The following INO80E variants were observed in gnomAD, a reference collection of about 807,000 sequenced individuals.
The protein encoded by INO80E is coiled-coil domain containing 95.
In INO80E, 20 loss-of-function variants were observed where a neutral mutation model predicts 27.3. The observed-to-expected ratio is 0.73, with a 90% confidence interval of 0.51 to 1.06. The LOEUF (loss-of-function observed/expected upper bound fraction) is 1.06, where lower values mean the gene tolerates loss of function less well. Ranked by LOEUF, INO80E falls within the 50% of genes least tolerant of loss-of-function variation. The probability of loss-of-function intolerance (pLI) is 0.00; values close to 1 mark genes in which losing one functional copy is unlikely to be tolerated. For missense variants in INO80E, 357 were observed against 322.8 expected (o/e 1.11, Z -0.81); for synonymous variants, 167 against 145.9 (o/e 1.14, Z -1.04).
rs145500623 is a variant in INO80E, at chr16:30,000,827, C to G, written c.275C>G (p.Ala92Gly). ...ACACCCAAGTTGTCTGACACACCGG[C>G]CCCTAAGAGGTGAGAAGAAGATGCA... ...EGTPKLSDTP[A>G]PKRKRSPPLG... is the part of the protein sequence containing the mutation. The change falls in exon 4 of 7, where the codon GCC (alanine) becomes GGC (glycine). Residue 92 changes from alanine (A) to glycine (G), a missense_variant. Transcript: ENST00000563197. 5 of 1,614,108 alleles carry G rather than the reference C, an allele frequency of 3.1e-6. No individual in the cohort carries two copies. The highest frequency in any genetic ancestry group is 4.2e-6 in the Non-Finnish European group (5 of 1,179,952).
rs552737572 is a variant in INO80E, at chr16:29,998,302, A to C, written c.205+1442A>C. Among the ~76,000 whole-genome samples the C allele has an allele frequency of 1.2e-3, 181 of 151,822 alleles. 1 individual carries two copies. Among genetic ancestry groups the C allele is most frequent in the Non-Finnish European group, 2.0e-3 (135 of 67,954 alleles). ...CCAGACTCCATCTCAAAAAAAAAAA[A>C]AAAACAAAAACCAATCTTGTGAAGA... On this transcript the variant is annotated intron_variant, in intron 3 of 6. Transcript: ENST00000563197.
chr16:29,996,635 G>C lies in INO80E; in HGVS notation c.152+18G>C. 6.3e-7 allele frequency: 1 copy of C among 1,581,512 alleles called. No individual in the cohort carries two copies. Among genetic ancestry groups the C allele is most frequent in the African/African-American group, 1.3e-5 (1 of 74,460 alleles). ...GACAAGAGGTGAGGCACGTTGCAGG[G>C]GCGGAGGGCGATGTGCTTCCTAGGA... On this transcript the variant is annotated intron_variant, in intron 2 of 6. Transcript: ENST00000563197.
At chr16:30,000,007 G>A (rs2070288031) in intron 3 of INO80E, among the ~76,000 whole-genome samples, 1 of 152,180 alleles carries the variant, frequency 6.6e-6, no homozygotes, top group Non-Finnish European at 1.5e-5. Context: ...AGAGGCAGGA[G>A]TTGAAGACTG....
chr16:30,005,578 C>T lies in INO80E; in HGVS notation c.*136C>T, dbSNP rs560196995. On this transcript the variant is annotated 3_prime_UTR_variant, in exon 7 of 7. Transcript: ENST00000563197. ...CGGCCACTGACACAACCAGAAAAGGCGTAAACATGCACGGGTGTCCCCCAG... is the reference window on the plus strand; with the variant it reads ...CGGCCACTGACACAACCAGAAAAGGTGTAAACATGCACGGGTGTCCCCCAG... 24 of 851,286 alleles carry T rather than the reference C, an allele frequency of 2.8e-5. No homozygotes were observed. Among genetic ancestry groups the T allele is most frequent in the Middle Eastern group, 3.4e-4 (1 of 2,954 alleles). The allele number at this position is 851,286 out of a possible 1,614,324, so 52.7% of individuals were successfully genotyped here.
chr16:30,004,701 C>T (rs12928610), intron 6 of INO80E: 77,586 of 154,992 alleles, frequency 0.5, 19,606 homozygotes, highest in South Asian at 0.52. Context: ...GCTGCCGGGA[C>T]CCCGAGGAGG....
At chr16:29,997,446 AC>A (rs1174260046) in intron 3 of INO80E, among the ~76,000 whole-genome samples, 2 of 151,166 alleles carry the variant, frequency 1.3e-5, no homozygotes, top group African/African-American at 4.9e-5. Context: ...TTTTTTTCCA[AC>A]CGTTTAAAAG....
intron 4 of INO80E, 39 bp from the exon 5 acceptor site, chr16:30,000,890 C>T (rs774143487): frequency 1.2e-6 from 2 of 1,611,020 alleles, no homozygotes; most frequent in South Asian, 2.2e-5. Context: ...GGCGCCTGGG[C>T]TCCTAGCCAC....
chr16:29,999,731 C>T (rs1327647426), intron 3 of INO80E, among the ~76,000 whole-genome samples: 1 of 152,102 alleles, frequency 6.6e-6, no homozygotes, highest in Non-Finnish European at 1.5e-5. Flanking sequence ...GTTAGTTGAC[C>T]AGAAAGGTAC....
At chr16:29,996,644 C>T in intron 2 of INO80E, 27 bp downstream of exon 2, 1 of 1,579,714 alleles carries the variant, frequency 6.3e-7, no homozygotes, top group Non-Finnish European at 8.6e-7. Flanking sequence ...GGGCGGAGGG[C>T]GATGTGCTTC....
chr16:29,998,903 G>A (rs1380660866), intron 3 of INO80E, among the ~76,000 whole-genome samples: 1 of 152,128 alleles, frequency 6.6e-6, no homozygotes, highest in Non-Finnish European at 1.5e-5. Context: ...AAATTAGCTG[G>A]GTGTGGTGGC....
chr16:29,996,759 C>T (rs1596660365), intron 2 of INO80E, 49 bp from the exon 3 acceptor site: 3 of 1,606,070 alleles, frequency 1.9e-6, no homozygotes, highest in Non-Finnish European at 2.6e-6. Context: ...CCCAGGAGGA[C>T]ATTGCTGCGC....
rs762793548 is a variant in INO80E at position 30,001,543 on chromosome 16, G to C, written c.513+13G>C. ...CCGGAAACTCAAGGTACCCTGACGTGGGGGTGCTAGGGAGGGGCAGGACGG... is the reference window on the plus strand; with the variant it reads ...CCGGAAACTCAAGGTACCCTGACGTCGGGGTGCTAGGGAGGGGCAGGACGG... On this transcript the variant is annotated intron_variant, in intron 6 of 6. Transcript: ENST00000563197. 2 of 1,608,018 alleles carry C rather than the reference G, an allele frequency of 1.2e-6. No homozygotes were observed. The highest frequency in any genetic ancestry group is 1.7e-6 in the Non-Finnish European group (2 of 1,177,050).
intron 2 of INO80E, 93 bp downstream of exon 2, chr16:29,996,710 C>G: frequency 3.8e-6 from 6 of 1,590,256 alleles, no homozygotes; most frequent in Non-Finnish European, 5.2e-6. Context: ...TGCATGGGCT[C>G]TTTCAAGTAT....
intron 3 of INO80E, among the ~76,000 whole-genome samples, chr16:29,998,585 C>T (rs182959233): frequency 6.6e-4 from 101 of 152,260 alleles, no homozygotes; most frequent in Non-Finnish European, 7.5e-4. Flanking sequence ...GCTTTTTTCC[C>T]CTTCTTTTAA....
Position 30,005,653 on chromosome 16 carries a change from GTTA to G in INO80E, c.*214_*216del. On this transcript the variant is annotated 3_prime_UTR_variant, in exon 7 of 7. Transcript: ENST00000563197. ...AAACCCCGGCCCCCTCCAGGGGACA[GTTA>G]TTTAAACGAGTGGCCGGGAGCATCT... The G allele has an allele frequency of 1.7e-6, 1 of 584,606 alleles. No homozygotes were observed. The highest frequency in any genetic ancestry group is 3.1e-5 in the East Asian group (1 of 32,148). 36.2% of individuals were successfully genotyped at this position (584,606 alleles called of 1,614,324 possible).
chr16:29,998,975 G>A (rs1163768032), intron 3 of INO80E, among the ~76,000 whole-genome samples: 1 of 151,940 alleles, frequency 6.6e-6, no homozygotes, highest in Non-Finnish European at 1.5e-5. Flanking sequence ...AACCCGGGAG[G>A]CGGAGCTTGC....
intron 6 of INO80E, chr16:30,004,610 G>A (rs2070479049): frequency 1.3e-5 from 2 of 155,110 alleles, no homozygotes; most frequent in African/African-American, 2.4e-5. Flanking sequence ...GGATCTGGGA[G>A]AGGCTGCGGG....
Position 29,996,384 on chromosome 16 carries a change from T to C in INO80E, c.74T>C (p.Leu25Pro). The C allele has an allele frequency of 1.3e-6, 2 of 1,590,672 alleles. No homozygotes were observed. Among genetic ancestry groups the C allele is most frequent in the Non-Finnish European group, 1.7e-6 (2 of 1,168,272 alleles). The change falls in exon 1 of 7, where the codon CTC becomes CCC. Residue 25 changes from leucine (L) to proline (P), a missense_variant. Coordinates refer to ENST00000563197, the MANE Select transcript of INO80E (RefSeq NM_173618.3). ...YRNLKRKLKF[L>P]IYEHECFQEE... ...AATCTGAAGCGGAAGCTCAAGTTCC[T>C]CATCTACGTGAGTGCTGCCGCGGGA...
At position 29,998,290 on chromosome 16, in the gene INO80E, C is replaced by CA. The variant is rs796207569; in HGVS notation, c.205+1446dup. Among the ~76,000 whole-genome samples the CA allele has an allele frequency of 5.1e-3, 397 of 77,090 alleles. 3 individuals are homozygous for CA. Among genetic ancestry groups the CA allele is most frequent in the Admixed American group, 8.4e-3 (57 of 6,806 alleles). The allele number at this position is 77,090 out of a possible 152,430, so 50.6% of individuals were successfully genotyped here. On this transcript the variant is annotated intron_variant, in intron 3 of 6. Transcript: ENST00000563197. ...TGGGCAACAGAGCCAGACTCCATCT[C>CA]AAAAAAAAAAAAAAAACAAAAACCA...
Sources: gnomAD v4.1 joint callset for allele counts (sites outside exome capture counted in the v4.1 genomes callset) on GRCh38, gnomAD v4.1.1 for gene constraint, MANE v1.5 for transcripts, NCBI Gene and HGNC (gene_info 2026-07-23, HGNC 2026-07-21) for gene names.